PACS2: variants seen among roughly 807,000 people sequenced by gnomAD.
PACS2 encodes the protein phosphofurin acidic cluster sorting protein 2, also known as PACS1-like protein.
In PACS2, 36 loss-of-function variants were observed where a neutral mutation model predicts 113.0. The observed-to-expected ratio is 0.32, with a 90% CI of 0.24 to 0.42. The LOEUF (loss-of-function observed/expected upper bound fraction) is 0.42, where lower values mean the gene tolerates loss of function less well. Ranked by LOEUF, PACS2 falls within the 10% of genes least tolerant of loss-of-function variation. PACS2 has a pLI of 1.00. For missense variants in PACS2, 1,015 were observed against 1,239.5 expected (o/e 0.82, Z 2.72); for synonymous variants, 589 against 536.1 (o/e 1.10, Z -1.36).
chr14:105,352,923 G>C (rs1200015354), intron 3 of PACS2, among the ~76,000 whole-genome samples: 1 of 118,706 alleles, frequency 8.4e-6, no homozygotes, highest in Non-Finnish European at 1.7e-5. Flanking sequence ...ACTGTCCCCT[G>C]GGGAGATGGG....
rs1640290415 is a variant in PACS2, at chr14:105,360,164, A to G, written c.423+4987A>G. The stretch of plus-strand genomic sequence containing the variant: ...AATTTCGTGGTTTTTCAGTGCATAT[A>G]AAAGTTATGTTTACACTGTACTGTA... On this transcript the variant is annotated intron_variant, in intron 4 of 24. Transcript: ENST00000447393. Among the ~76,000 whole-genome samples the G allele has an allele frequency of 2.0e-5, 3 of 152,354 alleles. 1 individual carries two copies. In the South Asian group the frequency reaches 6.2e-4, roughly 32 times the overall value.
At position 105,361,961 on chromosome 14, in the gene PACS2, C is replaced by CA. The variant is rs782340248; in HGVS notation, c.424-5244dup. 4.3e-4 allele frequency among the ~76,000 whole-genome samples: 64 copies of CA among 148,446 alleles called. No homozygotes were observed. The East Asian group carries it at 6.9e-3, about 16-fold the overall frequency. ...TGAGACTTCATCTCAAACAAACAAA[C>CA]AAAAAAAACGAATTAGTGGAGTGTG... is the stretch of plus-strand genomic sequence containing the variant. On this transcript the variant is annotated intron_variant, in intron 4 of 24. Transcript: ENST00000447393.
At chr14:105,382,773 G>A (rs1555412387) in intron 14 of PACS2, 34 bp from the exon 15 acceptor site, 1 of 1,390,952 alleles carries the variant, frequency 7.2e-7, no homozygotes, top group East Asian at 2.3e-5. Context: ...CTGGGCGGCT[G>A]TGCCGAAGTC....
At position 105,382,846 on chromosome 14, in the gene PACS2, G is replaced by T. The variant is rs1555412428; in HGVS notation, c.1558G>T (p.Val520Leu). ...CCTGCAGAGGCACACGCTCCCCGTG[G>T]TGTGCACGTGCTCTCCTGCGGACGT... ...DVLQRHTLPV[V>L]CTCSPADVQA... The change falls in exon 15 of 25, where the codon GTG becomes TTG. Residue 520 changes from valine to leucine, a missense_variant. Val to Leu is a conservative substitution (Grantham distance 32, BLOSUM62 1). Transcript: ENST00000447393. 1.9e-6 allele frequency: 3 copies of T among 1,607,528 alleles called. No homozygotes were observed. The highest frequency in any genetic ancestry group is 2.5e-6 in the Non-Finnish European group (3 of 1,179,468).
intron 1 of PACS2, among the ~76,000 whole-genome samples, chr14:105,343,642 C>T (rs1329853331): frequency 6.6e-6 from 1 of 150,968 alleles, no homozygotes; most frequent in Non-Finnish European, 1.5e-5. Flanking sequence ...TTTTCATGTG[C>T]TTATTTGCTA....
rs2080913877 is a variant in PACS2, at chr14:105,379,761, C to T, written c.982C>T (p.His328Tyr). 6.2e-7 allele frequency: 1 copy of T among 1,613,664 alleles called. No individual in the cohort carries two copies. The highest frequency in any genetic ancestry group is 1.3e-5 in the African/African-American group (1 of 74,934). ...KLRPYFEGLS[H>Y]SSSQTEIGSI... The stretch of plus-strand genomic sequence containing the variant: ...CAGGCCATACTTTGAAGGCCTGTCG[C>T]ACTCGAGCTCGCAGACGGAGATTGG... Residue 328 changes from histidine (H) to tyrosine (Y), a missense_variant, in exon 10 of 25, where the codon CAC (histidine) becomes TAC (tyrosine). Coordinates refer to ENST00000447393, the MANE Select transcript of PACS2 (RefSeq NM_001100913.3).
At chr14:105,352,321 C>G (rs143104606) in intron 2 of PACS2, 57 bp from the exon 3 acceptor site, 13 of 1,151,186 alleles carry the variant, frequency 1.1e-5, no homozygotes, top group East Asian at 2.3e-5. Context: ...GTGTCTTTGC[C>G]TGGTTTCCTG....
chr14:105,361,680 T>C (rs1555406490), intron 4 of PACS2, among the ~76,000 whole-genome samples: 2 of 151,458 alleles, frequency 1.3e-5, no homozygotes, highest in African/African-American at 4.9e-5. Context: ...CCGGGTGCAA[T>C]GGCTCACGCC....
At position 105,324,036 on chromosome 14, in the gene PACS2, G is replaced by A; in HGVS notation, c.119+8999G>A. Among the ~76,000 whole-genome samples the A allele has an allele frequency of 6.6e-6, 1 of 152,242 alleles. No individual in the cohort carries two copies. The highest frequency in any genetic ancestry group is 1.9e-4 in the East Asian group (1 of 5,196). On this transcript the variant is annotated intron_variant, in intron 1 of 24. Transcript: ENST00000447393. This position sits in a 1 kb window ranked among gnomAD's most constrained non-coding sequence, Gnocchi z 4.7. ...TCACATGTCAGTGGGTCTCCTGCTG[G>A]GGACTGGCTTTTGTGCAGGAGATGG...
rs765245667 is a variant in PACS2, at chr14:105,348,153, C to G, written c.120-340C>G. On this transcript the variant is annotated intron_variant, in intron 1 of 24. Coordinates refer to ENST00000447393, the MANE Select transcript of PACS2 (RefSeq NM_001100913.3). This position sits in a 1 kb window ranked among gnomAD's most constrained non-coding sequence, Gnocchi z 6.4. ...CTCACAGCTGGGAGCTGGCTCAGGA[C>G]TCTCAGATCTTCTCTTTGTGGCCTG... 5.3e-5 allele frequency among the ~76,000 whole-genome samples: 8 copies of G among 152,154 alleles called. No individual in the cohort carries two copies. Among genetic ancestry groups the G allele is most frequent in the African/African-American group, 1.9e-4 (8 of 41,442 alleles).
chr14:105,306,452 T>C (rs1195159256), intron 1 of PACS2, among the ~76,000 whole-genome samples: 2 of 151,986 alleles, frequency 1.3e-5, no homozygotes, highest in Non-Finnish European at 2.9e-5. Context: ...TACAGGTGCA[T>C]GCCACCATGC....
intron 19 of PACS2, among the ~76,000 whole-genome samples, chr14:105,387,365 C>T (rs369999702): frequency 6.6e-6 from 1 of 152,236 alleles, no homozygotes; most frequent in Admixed American, 6.5e-5. Context: ...AGGGCGGCCT[C>T]GAGCCCCAGC....
chr14:105,367,994 G>A, intron 5 of PACS2, 80 bp from the exon 6 acceptor site: 1 of 888,430 alleles, frequency 1.1e-6, no homozygotes, highest in East Asian at 2.4e-5. Context: ...TCTGTGTCCA[G>A]GGAAGCCTGG....
chr14:105,391,173 C>T lies in PACS2; in HGVS notation c.2077-34C>T, dbSNP rs143081467. 36 of 1,587,690 alleles carry T rather than the reference C, an allele frequency of 2.3e-5. No homozygotes were observed. In the Middle Eastern group the frequency reaches 1.0e-3, roughly 44 times the overall value. On this transcript the variant is annotated intron_variant, in intron 20 of 24. Coordinates refer to ENST00000447393, the MANE Select transcript of PACS2 (RefSeq NM_001100913.3). The stretch of plus-strand genomic sequence containing the variant: ...AGGGCGCTGGGCTAGCTGAATTGCA[C>T]GGCTTTCACCAGCCAGTGCCTGTTG...
intron 1 of PACS2, among the ~76,000 whole-genome samples, chr14:105,336,264 T>G (rs587696540): frequency 6.6e-6 from 1 of 152,342 alleles, no homozygotes; most frequent in South Asian, 2.1e-4. Context: ...GTGGTGGGGT[T>G]GACATGCGCC....
chr14:105,327,723 A>G (rs2140888464), intron 1 of PACS2, among the ~76,000 whole-genome samples: 1 of 152,300 alleles, frequency 6.6e-6, no homozygotes, highest in African/African-American at 2.4e-5. Flanking sequence ...TAGCAACATG[A>G]TATCCAGAGA....
intron 4 of PACS2, among the ~76,000 whole-genome samples, chr14:105,360,623 C>T (rs1411518014): frequency 2.6e-5 from 4 of 151,580 alleles, no homozygotes; most frequent in Non-Finnish European, 4.4e-5. Context: ...TGGTGGGGGT[C>T]CTTAGTGTGG....
chr14:105,339,181 A>T (rs1354454009), intron 1 of PACS2, among the ~76,000 whole-genome samples: 1 of 152,162 alleles, frequency 6.6e-6, no homozygotes, highest in African/African-American at 2.4e-5. Flanking sequence ...ACGCTATTCC[A>T]CTGCCACTCA....
At chr14:105,349,346 C>T (rs1182894869) in intron 2 of PACS2, among the ~76,000 whole-genome samples, 1 of 152,212 alleles carries the variant, frequency 6.6e-6, no homozygotes, top group Non-Finnish European at 1.5e-5. Context: ...GAGTGTCCTT[C>T]TGTGTGGCCG....
Sources: allele counts gnomAD v4.1 joint callset (sites outside exome capture counted in the v4.1 genomes callset), GRCh38; gene constraint gnomAD v4.1.1; non-coding constraint Gnocchi (gnomAD v3.1); transcripts MANE v1.5; gene names NCBI Gene and HGNC (gene_info 2026-07-23, HGNC 2026-07-21).